The following CAPZB variants were observed in gnomAD, a reference collection of about 807,000 sequenced individuals.
CAPZB encodes F-actin-capping protein subunit beta.
Under a neutral mutation model 38.1 loss-of-function variants are expected in CAPZB, and 2 were observed. That is an observed-to-expected ratio of 0.05 (90% confidence interval 0.02 to 0.17). The LOEUF (loss-of-function observed/expected upper bound fraction) is 0.17, where lower values mean the gene tolerates loss of function less well. Ranked by LOEUF, CAPZB falls within the 10% of genes least tolerant of loss-of-function variation. The pLI is 1.00. For missense variants in CAPZB, 161 were observed against 334.2 expected (o/e 0.48, Z 4.04); for synonymous variants, 107 against 127.4 (o/e 0.84, Z 1.08).
intron 2 of CAPZB, among the ~76,000 whole-genome samples, chr1:19,390,262 G>A (rs1211880852): frequency 1.3e-5 from 2 of 152,188 alleles, no homozygotes; most frequent in African/African-American, 4.8e-5. Flanking sequence ...TAAATGAAAC[G>A]ACAGGTCCAA....
In CAPZB at chr1:19,339,306, T is replaced by C. The variant is rs2093914992; in HGVS notation, c.*224A>G. 2 of 574,722 alleles carry C rather than the reference T, an allele frequency of 3.5e-6. No individual in the cohort carries two copies. 35.6% of individuals were successfully genotyped at this position (574,722 alleles called of 1,614,324 possible). On this transcript the variant is annotated 3_prime_UTR_variant, in exon 9 of 9. Transcript: ENST00000264202. ...AAAAACCACACGGTCTCTATGGAAA[T>C]GTGGAGAGAACTGAGAGCGAGGTGT...
At chr1:19,359,081 C>T (rs910285562) in intron 4 of CAPZB, among the ~76,000 whole-genome samples, 3 of 151,912 alleles carry the variant, frequency 2.0e-5, no homozygotes, top group Non-Finnish European at 4.4e-5. Flanking sequence ...ACCTGCCAAA[C>T]GGTTAATGTA....
At chr1:19,422,629 C>A (rs753174342) in intron 1 of CAPZB, among the ~76,000 whole-genome samples, 3 of 151,758 alleles carry the variant, frequency 2.0e-5, no homozygotes, top group African/African-American at 7.3e-5. Flanking sequence ...TCCAGCAACT[C>A]GGGAGGCTGA....
At chr1:19,362,180 G>C in intron 4 of CAPZB, among the ~76,000 whole-genome samples, 1 of 141,352 alleles carries the variant, frequency 7.1e-6, no homozygotes, top group Non-Finnish European at 1.6e-5. Flanking sequence ...AGGTAGAAGG[G>C]GGAAATTTTT....
intron 2 of CAPZB, among the ~76,000 whole-genome samples, chr1:19,395,469 C>G (rs2094262140): frequency 1.3e-5 from 2 of 152,332 alleles, no homozygotes; most frequent in African/African-American, 4.8e-5. Flanking sequence ...ACTCCAAACC[C>G]CAAAGCTTTG....
At chr1:19,454,096 A>G (rs1275950496) in intron 1 of CAPZB, among the ~76,000 whole-genome samples, 1 of 152,218 alleles carries the variant, frequency 6.6e-6, no homozygotes, top group Non-Finnish European at 1.5e-5. Context: ...ATCACATCTT[A>G]GGTTTCTCCA....
chr1:19,352,595 T>G (rs1332190777), intron 6 of CAPZB, among the ~76,000 whole-genome samples: 3 of 152,238 alleles, frequency 2.0e-5, no homozygotes, highest in African/African-American at 7.2e-5. Flanking sequence ...GGGGGCCACG[T>G]GGCAGTGTAC....
intron 3 of CAPZB, among the ~76,000 whole-genome samples, chr1:19,382,979 C>T (rs1157706069): frequency 2.6e-5 from 4 of 152,014 alleles, no homozygotes; most frequent in East Asian, 1.9e-4. Flanking sequence ...GGTCCACCCA[C>T]TTCATCAGTG....
intron 2 of CAPZB, among the ~76,000 whole-genome samples, chr1:19,399,702 A>T (rs1030633697): frequency 4.6e-5 from 7 of 152,052 alleles, no homozygotes; most frequent in African/African-American, 1.4e-4. Flanking sequence ...TGGGCCTACC[A>T]CCTTCTACCT....
intron 6 of CAPZB, among the ~76,000 whole-genome samples, chr1:19,353,209 A>T (rs1033162728): frequency 2.0e-5 from 3 of 152,168 alleles, no homozygotes; most frequent in African/African-American, 7.2e-5. Context: ...TCTTGGGGCT[A>T]GGGCCTGGCA....
intron 1 of CAPZB, among the ~76,000 whole-genome samples, chr1:19,450,952 TG>T (rs1347274133): frequency 6.6e-6 from 1 of 152,194 alleles, no homozygotes; most frequent in East Asian, 1.9e-4. Flanking sequence ...GTGTATTACT[TG>T]TAAGAATGAT....
At chr1:19,389,429 GTTTT>G (rs58929734) in intron 2 of CAPZB, among the ~76,000 whole-genome samples, 94 of 150,398 alleles carry the variant, frequency 6.3e-4, no homozygotes, top group African/African-American at 2.2e-3. Context: ...TGGGTCGTGT[GTTTT>G]TTTTTTCTCA....
intron 1 of CAPZB, among the ~76,000 whole-genome samples, chr1:19,459,455 T>C (rs2094543463): frequency 6.6e-6 from 1 of 152,198 alleles, no homozygotes; most frequent in Non-Finnish European, 1.5e-5. Context: ...AGAGAGAAAA[T>C]AGGAGACCTG....
At chr1:19,392,187 T>TAA (rs746920918) in intron 2 of CAPZB, among the ~76,000 whole-genome samples, 2,567 of 23,324 alleles carry the variant, frequency 0.11, 45 homozygotes, top group Non-Finnish European at 0.17. Flanking sequence ...TGTCTCAAGG[T>TAA]AAAAAAAAAA....
chr1:19,433,166 C>T (rs932640816), intron 1 of CAPZB, among the ~76,000 whole-genome samples: 1 of 152,184 alleles, frequency 6.6e-6, no homozygotes, highest in Non-Finnish European at 1.5e-5. Flanking sequence ...ATGTAACAAG[C>T]GACTAATCCC....
At chr1:19,478,729 A>C (rs1201070950) in intron 1 of CAPZB, among the ~76,000 whole-genome samples, 4 of 152,206 alleles carry the variant, frequency 2.6e-5, no homozygotes, top group African/African-American at 9.7e-5. Context: ...GGCATATTCT[A>C]TTAGGTCTAC....
chr1:19,385,717 G>A, intron 2 of CAPZB, 91 bp from the exon 3 acceptor site: 1 of 1,523,576 alleles, frequency 6.6e-7, no homozygotes, highest in South Asian at 1.1e-5. Flanking sequence ...ATTGTGGTCA[G>A]TACCTTTAAC....
At chr1:19,447,921 G>A (rs1391815408) in intron 1 of CAPZB, among the ~76,000 whole-genome samples, 2 of 152,180 alleles carry the variant, frequency 1.3e-5, no homozygotes, top group Non-Finnish European at 2.9e-5. Context: ...GCTCAATGTT[G>A]CTCTCTAATC....
At chr1:19,372,726 A>G (rs2094125340) in intron 4 of CAPZB, among the ~76,000 whole-genome samples, 1 of 152,086 alleles carries the variant, frequency 6.6e-6, no homozygotes, top group Non-Finnish European at 1.5e-5. Context: ...AGAGTGTCAA[A>G]TGATCCTCCG....
Sources: gnomAD v4.1 joint callset for allele counts (sites outside exome capture counted in the v4.1 genomes callset) on GRCh38, gnomAD v4.1.1 for gene constraint, MANE v1.5 for transcripts, NCBI Gene and HGNC (gene_info 2026-07-23, HGNC 2026-07-21) for gene names.